ATF7IP2: variants seen among roughly 807,000 people sequenced by gnomAD.
ATF7IP2 encodes the protein activating transcription factor 7-interacting protein 2.
Under a neutral mutation model 64.2 loss-of-function variants are expected in ATF7IP2, and 42 were observed. That is an observed-to-expected ratio of 0.65 (90% CI 0.51 to 0.85). The LOEUF (loss-of-function observed/expected upper bound fraction) is 0.85. ATF7IP2 is among the 40% of genes least tolerant of loss of function. The pLI is 0.00. For synonymous variants in ATF7IP2, 308 were observed against 272.8 expected, an observed-to-expected ratio of 1.13 and a Z score of -1.27; for missense variants, 933 against 784.2, an observed-to-expected ratio of 1.19 and a Z score of -2.27.
intron 5 of ATF7IP2, among the ~76,000 whole-genome samples, chr16:10,433,292 C>T (rs1455541330): frequency 1.3e-5 from 2 of 152,156 alleles, no homozygotes; most frequent in Non-Finnish European, 2.9e-5. Flanking sequence ...CCTCTCACCT[C>T]AACCTCCTGA....
At position 10,457,507 on chromosome 16, in the gene ATF7IP2, C is replaced by A. The variant is rs781546339; in HGVS notation, c.1330C>A (p.Gln444Lys). The A allele has an allele frequency of 7.0e-6, 11 of 1,581,392 alleles. No individual in the cohort carries two copies. The Admixed American group carries it at 1.9e-4, about 28-fold the overall frequency. Residue 444 changes from glutamine (Q) to lysine (K), a missense_variant, in exon 9 of 14, where the codon CAA (glutamine) becomes AAA (lysine). Transcript: ENST00000562102. ...GSKKINLSSDQNKSVSESNND... is the reference protein window; with the variant it reads ...GSKKINLSSDKNKSVSESNND... ...TAAAAAAATTAATTTGTCATCAGAT[C>A]AAAATAAGTCTGTTTCTGAAAGGTA... is the stretch of plus-strand genomic sequence containing the variant.
chr16:10,430,726 G>T lies in ATF7IP2; in HGVS notation c.106G>T (p.Glu36Ter). Residue 36 changes from glutamate (E) to a stop codon, truncating the protein, a stop_gained, in exon 5 of 14, where the codon GAA becomes TAA. Coordinates refer to ENST00000562102, the MANE Select transcript of ATF7IP2 (RefSeq NM_001393719.1). LOFTEE classifies it high-confidence loss of function. The part of the protein sequence containing the change: ...VEMLNKSRNV[E>*]ALKTAIGSNV... ...GATGCTGAATAAGTCAAGGAATGTTGAAGCGCTGAAAACAGCAATTGGGAG... is the reference window on the plus strand; with the variant it reads ...GATGCTGAATAAGTCAAGGAATGTTTAAGCGCTGAAAACAGCAATTGGGAG... 1 of 1,614,100 alleles carries T rather than the reference G, an allele frequency of 6.2e-7. No individual in the cohort carries two copies. Among genetic ancestry groups the T allele is most frequent in the Non-Finnish European group, 8.5e-7 (1 of 1,180,012 alleles).
intron 2 of ATF7IP2, among the ~76,000 whole-genome samples, chr16:10,417,408 C>G (rs192289186): frequency 1.3e-5 from 2 of 152,096 alleles, no homozygotes; most frequent in African/African-American, 2.4e-5. Flanking sequence ...GCAATGGAAA[C>G]CAAAATTGAG....
At chr16:10,432,264 G>C (rs1324535340) in intron 5 of ATF7IP2, among the ~76,000 whole-genome samples, 2 of 151,848 alleles carry the variant, frequency 1.3e-5, no homozygotes, top group Non-Finnish European at 2.9e-5. Flanking sequence ...GAAGTCCTTG[G>C]GTTATAACAT....
Position 10,419,615 on chromosome 16 carries a change from T to TGTC in ATF7IP2, c.-167_-165dup, listed in dbSNP as rs2047951709. 1 of 153,352 alleles carries TGTC rather than the reference T, an allele frequency of 6.5e-6. No homozygotes were observed. Among genetic ancestry groups the TGTC allele is most frequent in the Admixed American group, 6.5e-5 (1 of 15,308 alleles). 9.5% of individuals were successfully genotyped at this position (153,352 alleles called of 1,614,324 possible). A position where few individuals can be genotyped will look rare whatever the true frequency, so the allele number is the denominator to read the frequency against. ...CGCCGTCTGTGACAGCTTCTTGATC[T>TGTC]GTCCCCAGGTAGGTGGCTGCATTCG... On this transcript the variant is annotated 5_prime_UTR_variant, in exon 3 of 14. Transcript: ENST00000562102.
chr16:10,425,568 A>G (rs559665485), intron 3 of ATF7IP2, among the ~76,000 whole-genome samples: 16 of 152,196 alleles, frequency 1.1e-4, no homozygotes, highest in Non-Finnish European at 2.1e-4. Flanking sequence ...GAAAATATTT[A>G]TGTATTACAG....
At chr16:10,427,636 A>G (rs1207825440) in intron 3 of ATF7IP2, among the ~76,000 whole-genome samples, 2 of 152,190 alleles carry the variant, frequency 1.3e-5, no homozygotes, top group Non-Finnish European at 2.9e-5. Flanking sequence ...CATGAGGATC[A>G]CTTCAGCCCA....
chr16:10,442,173 G>A (rs1476183657), intron 8 of ATF7IP2, among the ~76,000 whole-genome samples: 36 of 152,238 alleles, frequency 2.4e-4, no homozygotes, highest in Admixed American at 2.4e-3. Context: ...AACCATGGTA[G>A]ATGAAGGCAT....
chr16:10,459,354 G>A (rs2049293599), intron 9 of ATF7IP2, among the ~76,000 whole-genome samples: 1 of 152,034 alleles, frequency 6.6e-6, no homozygotes, highest in South Asian at 2.1e-4. Context: ...TGTACTCCCA[G>A]CTACTCAGGA....
intron 8 of ATF7IP2, chr16:10,453,989 G>C (rs558864037): frequency 1.3e-5 from 2 of 150,580 alleles, no homozygotes; most frequent in Non-Finnish European, 2.9e-5. Flanking sequence ...CAATTCTTTC[G>C]TAGGTACAGA....
intron 1 of ATF7IP2, among the ~76,000 whole-genome samples, chr16:10,410,115 G>A (rs1432128714): frequency 6.6e-6 from 1 of 152,094 alleles, no homozygotes; most frequent in Non-Finnish European, 1.5e-5. Context: ...TGAAGAAGAT[G>A]GTGGTATTTT....
rs2142127085 is a variant in ATF7IP2 at position 10,483,532 on chromosome 16, T to C, written c.*1283T>C. Reference sequence around the variant, plus strand: ...AGTTCGAAAGAGGGGCATTCTTTTCTGGTACATGGTGAGAGTTCAGGCTCC... The same window carrying C: ...AGTTCGAAAGAGGGGCATTCTTTTCCGGTACATGGTGAGAGTTCAGGCTCC... On this transcript the variant is annotated 3_prime_UTR_variant, in exon 14 of 14. Coordinates refer to ENST00000562102, the MANE Select transcript of ATF7IP2 (RefSeq NM_001393719.1). 1 of 152,302 alleles carries C rather than the reference T, an allele frequency of 6.6e-6. No individual in the cohort carries two copies. The highest frequency in any genetic ancestry group is 2.4e-5 in the African/African-American group (1 of 41,572). 9.4% of individuals were successfully genotyped at this position (152,302 alleles called of 1,614,324 possible).
Position 10,460,587 on chromosome 16 carries a change from G to A in ATF7IP2, c.1352+3058G>A, listed in dbSNP as rs116582164. Reference sequence around the variant, plus strand: ...ATATGTGATATGTGATGGAGATTGCGTGGCAGTCAGTCATTTGGGAAATGA... The same window carrying A: ...ATATGTGATATGTGATGGAGATTGCATGGCAGTCAGTCATTTGGGAAATGA... On this transcript the variant is annotated intron_variant, in intron 9 of 13. Transcript: ENST00000562102. Among the ~76,000 whole-genome samples the A allele has an allele frequency of 8.1e-3, 1,230 of 152,236 alleles. 12 individuals are homozygous for A. The highest frequency in any genetic ancestry group is 0.028 in the African/African-American group (1,146 of 41,536).
At chr16:10,414,840 T>C (rs971854397) in intron 2 of ATF7IP2, among the ~76,000 whole-genome samples, 2 of 152,158 alleles carry the variant, frequency 1.3e-5, no homozygotes, top group African/African-American at 2.4e-5. Flanking sequence ...CTTCCCCTTT[T>C]CCTAGGAATG....
At chr16:10,468,360 C>T (rs923095129) in intron 9 of ATF7IP2, among the ~76,000 whole-genome samples, 2 of 152,058 alleles carry the variant, frequency 1.3e-5, no homozygotes, top group African/African-American at 2.4e-5. Flanking sequence ...TGATTTTTGC[C>T]TCTCCCCATG....
intron 3 of ATF7IP2, among the ~76,000 whole-genome samples, chr16:10,420,286 A>C (rs1450577734): frequency 1.3e-5 from 2 of 152,168 alleles, no homozygotes; most frequent in African/African-American, 2.4e-5. Flanking sequence ...ATTGGCATGT[A>C]GCCCAGACAA....
At chr16:10,437,298 C>T (rs2048454406) in intron 6 of ATF7IP2, among the ~76,000 whole-genome samples, 1 of 152,172 alleles carries the variant, frequency 6.6e-6, no homozygotes, top group African/African-American at 2.4e-5. Context: ...GGATTACAGG[C>T]GTGAGCCACT....
Position 10,438,182 on chromosome 16 carries a change from A to G in ATF7IP2, c.1042A>G (p.Ile348Val), listed in dbSNP as rs2048485554. Residue 348 changes from isoleucine to valine, a missense_variant, in exon 7 of 14, where the codon ATT (isoleucine) becomes GTT (valine). By Grantham distance (29) the Ile-to-Val change is conservative. Transcript: ENST00000562102. Reference protein sequence around the residue: ...DKKLKELNQRIGKTECRNKHE... With the variant: ...DKKLKELNQRVGKTECRNKHE... ...GAAACTGAAAGAATTGAACCAACGC[A>G]TTGGGAAGACAGAGTGCAGAAATAA... The G allele has an allele frequency of 1.2e-6, 2 of 1,606,800 alleles. No homozygotes were observed. The highest frequency in any genetic ancestry group is 3.4e-5 in the Admixed American group (2 of 58,636).
At chr16:10,466,912 G>C (rs1382041181) in intron 9 of ATF7IP2, among the ~76,000 whole-genome samples, 1 of 150,274 alleles carries the variant, frequency 6.7e-6, no homozygotes, top group African/African-American at 2.4e-5. Flanking sequence ...TTTAACTCAA[G>C]TGTTTGGATC....
Sources: gnomAD v4.1 joint callset for allele counts (sites outside exome capture counted in the v4.1 genomes callset) on GRCh38, gnomAD v4.1.1 for gene constraint, MANE v1.5 for transcripts, NCBI Gene and HGNC (gene_info 2026-07-23, HGNC 2026-07-21) for gene names.